Variants in ARSJ observed in about 807,000 individuals in gnomAD.
The protein encoded by ARSJ is arylsulfatase J.
A neutral mutation model predicts 35.9 loss-of-function variants in ARSJ; 26 were observed. That is an observed-to-expected ratio of 0.72 (90% CI 0.53 to 1.00). ARSJ has a LOEUF of 1.00. Among genes scored for constraint, ARSJ ranks in the 50% least tolerant of loss-of-function variants. The pLI is 0.00. For synonymous variants in ARSJ, 294 were observed against 267.6 expected (o/e 1.10, Z -0.96); for missense variants, 667 against 723.6 (o/e 0.92, Z 0.90).
chr4:113,902,278 C>A lies in ARSJ; in HGVS notation c.1796G>T (p.Gly599Val), dbSNP rs774876153. 3.1e-5 allele frequency: 50 copies of A among 1,609,510 alleles called. No individual in the cohort carries two copies. The highest frequency in any genetic ancestry group is 4.1e-5 in the Non-Finnish European group (48 of 1,180,024). The change falls in exon 2 of 2, where the codon GGA (glycine) becomes GTA (valine). Residue 599 changes from glycine (G) to valine (V), a missense_variant. Physicochemically the swap from Gly to Val is moderately radical, Grantham distance 109. Coordinates refer to ENST00000315366, the MANE Select transcript of ARSJ (RefSeq NM_024590.4). ...GSTCHSGVTC[G>V] ...CCAAACAGGAAATATTTGTGCTTAT[C>A]CACAAGTAACACCTGAATGGCAAGT... is the stretch of plus-strand genomic sequence containing the variant.
At chr4:113,958,038 G>T (rs891422986) in intron 1 of ARSJ, among the ~76,000 whole-genome samples, 1 of 152,024 alleles carries the variant, frequency 6.6e-6, no homozygotes. Context: ...TGTTTTGGGA[G>T]CCTTTTAAAA....
rs775562027 is a variant in ARSJ at position 113,902,533 on chromosome 4, C to T, written c.1541G>A (p.Gly514Glu). 39 of 1,614,008 alleles carry T rather than the reference C, an allele frequency of 2.4e-5. 1 individual carries two copies. Among genetic ancestry groups the T allele is most frequent in the Middle Eastern group, 1.6e-4 (1 of 6,084 alleles). ...ERVDLSNRYP[G>E]IVKKLLRRLS... ...CCTCCGTAGGAGCTTCTTCACGATT[C>T]CTGGATACCTGTTAGATAGGTCCAC... Residue 514 changes from glycine to glutamate, a missense_variant, in exon 2 of 2, where the codon GGA (glycine) becomes GAA (glutamate). Physicochemically the swap from Gly to Glu is moderately conservative, Grantham distance 98. Transcript: ENST00000315366.
chr4:113,914,137 C>A (rs1188627340), intron 1 of ARSJ, among the ~76,000 whole-genome samples: 2 of 152,006 alleles, frequency 1.3e-5, no homozygotes, highest in African/African-American at 2.4e-5. Context: ...CCACGCCCAG[C>A]TAATTTTTGT....
intron 1 of ARSJ, among the ~76,000 whole-genome samples, chr4:113,960,665 T>G (rs904400113): frequency 2.0e-5 from 3 of 152,158 alleles, no homozygotes; most frequent in African/African-American, 7.2e-5. Context: ...TTTTACATTT[T>G]ATAACTTGAT....
intron 1 of ARSJ, among the ~76,000 whole-genome samples, chr4:113,923,060 C>T (rs999319240): frequency 5.3e-5 from 8 of 152,114 alleles, no homozygotes; most frequent in Middle Eastern, 3.2e-3. Flanking sequence ...GGAATTCTGC[C>T]GGCAGGTTGC....
At chr4:113,965,936 C>T (rs917762603) in intron 1 of ARSJ, among the ~76,000 whole-genome samples, 1 of 152,092 alleles carries the variant, frequency 6.6e-6, no homozygotes, top group South Asian at 2.1e-4. Flanking sequence ...CTGGTGTGTT[C>T]AAAGGATCTA....
At chr4:113,926,604 G>GCCACTT (rs1233967697) in intron 1 of ARSJ, among the ~76,000 whole-genome samples, 1 of 152,148 alleles carries the variant, frequency 6.6e-6, no homozygotes, top group East Asian at 1.9e-4. Context: ...GGGTATTTGA[G>GCCACTT]CCACTTCCTC....
intron 1 of ARSJ, among the ~76,000 whole-genome samples, chr4:113,918,759 A>C (rs1402874443): frequency 6.6e-6 from 1 of 152,106 alleles, no homozygotes; most frequent in Non-Finnish European, 1.5e-5. Flanking sequence ...CCAATACTGA[A>C]TCCATTGCTA....
intron 1 of ARSJ, among the ~76,000 whole-genome samples, chr4:113,924,381 G>A (rs1005833260): frequency 5.9e-5 from 9 of 151,786 alleles, no homozygotes; most frequent in African/African-American, 1.5e-4. Flanking sequence ...AGGGTGGGTC[G>A]GTCTTTCCCA....
chr4:113,973,658 G>A (rs947477236), intron 1 of ARSJ, among the ~76,000 whole-genome samples: 2 of 152,034 alleles, frequency 1.3e-5, no homozygotes, highest in Non-Finnish European at 2.9e-5. Flanking sequence ...CAGATATTTT[G>A]TATCTCTCGC....
intron 1 of ARSJ, among the ~76,000 whole-genome samples, chr4:113,905,824 A>G (rs892335358): frequency 6.6e-6 from 1 of 151,604 alleles, no homozygotes; most frequent in Non-Finnish European, 1.5e-5. Flanking sequence ...CATACCACCA[A>G]GCCTGGCTAA....
chr4:113,926,459 T>C (rs903936944), intron 1 of ARSJ, among the ~76,000 whole-genome samples: 1 of 152,170 alleles, frequency 6.6e-6, no homozygotes, highest in African/African-American at 2.4e-5. Flanking sequence ...TGTCTGCATG[T>C]TGTGCAGAAC....
chr4:113,903,144 A>C lies in ARSJ; in HGVS notation c.930T>G (p.Ala310=). ...LDEAINNVTL[A]LKTYGFYNNS... is the part of the protein sequence containing the mutation. ...TGTTATAGAAACCATAAGTCTTTAG[A>C]GCCAATGTCACGTTGTTGATTGCTT... Residue 310 remains alanine (A), a synonymous_variant, in exon 2 of 2, where the codon GCT becomes GCG. Coordinates refer to ENST00000315366, the MANE Select transcript of ARSJ (RefSeq NM_024590.4). The C allele has an allele frequency of 6.2e-7, 1 of 1,614,234 alleles. No homozygotes were observed. The highest frequency in any genetic ancestry group is 1.1e-5 in the South Asian group (1 of 91,088).
intron 1 of ARSJ, among the ~76,000 whole-genome samples, chr4:113,933,380 C>A (rs558761497): frequency 3.4e-4 from 51 of 151,818 alleles, no homozygotes; most frequent in African/African-American, 1.1e-3. Flanking sequence ...ATACCAAAAC[C>A]AGACAGAGAC....
chr4:113,945,406 G>A (rs931298415), intron 1 of ARSJ, among the ~76,000 whole-genome samples: 2 of 152,066 alleles, frequency 1.3e-5, no homozygotes, highest in African/African-American at 4.8e-5. Flanking sequence ...CTAAAGTGCT[G>A]GAATTACAAG....
Position 113,902,933 on chromosome 4 carries a change from A to C in ARSJ, c.1141T>G (p.Tyr381Asp), listed in dbSNP as rs761058815. The change falls in exon 2 of 2, where the codon TAC becomes GAC. Residue 381 changes from tyrosine to aspartate, a missense_variant. Physicochemically the swap from Tyr to Asp is radical, Grantham distance 160 (BLOSUM62 -3). Coordinates refer to ENST00000315366, the MANE Select transcript of ARSJ (RefSeq NM_024590.4). ...TCAGCCAGTGAAATGAGAGTGGGGT[A>C]CCAGTCAGTGATGTGCACAAGTTCC... ...CKELVHITDW[Y>D]PTLISLAEGQ... is the part of the protein sequence containing the mutation. 14 of 1,614,056 alleles carry C rather than the reference A, an allele frequency of 8.7e-6. No homozygotes were observed. Among genetic ancestry groups the C allele is most frequent in the Admixed American group, 8.3e-5 (5 of 60,000 alleles).
chr4:113,973,295 A>G (rs1462665024), intron 1 of ARSJ, among the ~76,000 whole-genome samples: 1 of 152,114 alleles, frequency 6.6e-6, no homozygotes. Context: ...ACTATTATCT[A>G]TGTTTTCAAC....
intron 1 of ARSJ, among the ~76,000 whole-genome samples, chr4:113,945,674 A>T (rs1275087833): frequency 6.6e-6 from 1 of 152,152 alleles, no homozygotes; most frequent in Non-Finnish European, 1.5e-5. Context: ...AACTGCTGTC[A>T]TAAATTCCGT....
chr4:113,956,130 A>G (rs1348977784), intron 1 of ARSJ, among the ~76,000 whole-genome samples: 2 of 152,038 alleles, frequency 1.3e-5, no homozygotes, highest in African/African-American at 2.4e-5. Context: ...TTGTAGAGAC[A>G]GGGTTTTGTC....
Sources: gnomAD v4.1 joint callset for allele counts (sites outside exome capture counted in the v4.1 genomes callset) on GRCh38, gnomAD v4.1.1 for gene constraint, MANE v1.5 for transcripts, NCBI Gene and HGNC (gene_info 2026-07-23, HGNC 2026-07-21) for gene names.